Variants in CFAP20DC observed in about 807,000 individuals in gnomAD.
The protein encoded by CFAP20DC is protein CFAP20DC.
CFAP20DC carries 84 observed loss-of-function variants against 101.7 expected under a neutral mutation model. The observed-to-expected ratio is 0.83, with a 90% CI of 0.69 to 0.99. The LOEUF is 0.99. Ranked by LOEUF, CFAP20DC falls within the 50% of genes least tolerant of loss-of-function variation. The probability of loss-of-function intolerance (pLI) is 0.00; values close to 1 mark genes in which losing one functional copy is unlikely to be tolerated. For synonymous variants in CFAP20DC, 359 were observed against 351.2 expected (o/e 1.02, Z -0.25); for missense variants, 1,007 against 970.3 (o/e 1.04, Z -0.50).
chr3:58,843,543 T>A (rs960906300), intron 13 of CFAP20DC, among the ~76,000 whole-genome samples: 277 of 152,044 alleles, frequency 1.8e-3, no homozygotes, highest in African/African-American at 6.1e-3. Context: ...CTGATTGGTG[T>A]ACCTGAAAGT....
intron 3 of CFAP20DC, chr3:58,725,860 A>AT: frequency 5.2e-5 from 10 of 192,810 alleles, no homozygotes; most frequent in South Asian, 2.3e-4. Flanking sequence ...TCTGGTTTTT[A>AT]TTTTTTTGGG....
At chr3:58,901,644 T>A (rs2083156933) in intron 6 of CFAP20DC, among the ~76,000 whole-genome samples, 1 of 152,230 alleles carries the variant, frequency 6.6e-6, no homozygotes, top group Non-Finnish European at 1.5e-5. Flanking sequence ...AGTGATTTTT[T>A]TAATAACAAA....
intron 12 of CFAP20DC, among the ~76,000 whole-genome samples, chr3:58,852,990 A>G (rs1559708873): frequency 1.3e-5 from 2 of 152,230 alleles, no homozygotes; most frequent in Non-Finnish European, 2.9e-5. Flanking sequence ...AAATCAGAGC[A>G]GAACTCAAGG....
rs981624861 is a variant in CFAP20DC, at chr3:58,794,095, T to C, written c.2237+12300A>G. The C allele has an allele frequency of 1.1e-4, 26 of 228,300 alleles. No individual in the cohort carries two copies. In the East Asian group the frequency reaches 2.4e-3, roughly 21 times the overall value. The allele number at this position is 228,300 out of a possible 1,614,324, so 14.1% of individuals were successfully genotyped here. A position where few individuals can be genotyped will look rare whatever the true frequency, so the allele number is the denominator to read the frequency against. The stretch of plus-strand genomic sequence containing the variant: ...TCTACAAATCGCCATTTGGTCTCGC[T>C]TGTTACTGAGCCAGTGTCCACACAG... On this transcript the variant is annotated intron_variant, in intron 15 of 16. Coordinates refer to ENST00000482387, the MANE Select transcript of CFAP20DC (RefSeq NM_001394063.1).
At chr3:58,758,310 C>T (rs1214808751) in intron 15 of CFAP20DC, among the ~76,000 whole-genome samples, 1 of 152,124 alleles carries the variant, frequency 6.6e-6, no homozygotes, top group African/African-American at 2.4e-5. Context: ...AACCTCCATG[C>T]TTTCCCCTAC....
At chr3:58,810,599 A>G (rs889587192) in intron 14 of CFAP20DC, among the ~76,000 whole-genome samples, 1 of 149,850 alleles carries the variant, frequency 6.7e-6, no homozygotes, top group Non-Finnish European at 1.5e-5. Context: ...CCAGTATCAT[A>G]CTGAATGGGC....
Position 58,894,445 on chromosome 3 carries a change from G to A in CFAP20DC, c.551-9736C>T, listed in dbSNP as rs1238321462. Among the ~76,000 whole-genome samples, 2 of 152,158 alleles carry A rather than the reference G, an allele frequency of 1.3e-5. No homozygotes were observed. Among genetic ancestry groups the A allele is most frequent in the Non-Finnish European group, 2.9e-5 (2 of 68,026 alleles). ...CCCATGCAAGTCCAAAATCCAGCAG[G>A]GCAGTCAAATCTCAAAGCTCCAAAA... is the stretch of plus-strand genomic sequence containing the variant. On this transcript the variant is annotated intron_variant, in intron 6 of 16. Coordinates refer to ENST00000482387, the MANE Select transcript of CFAP20DC (RefSeq NM_001394063.1). This position sits in a 1 kb window ranked among gnomAD's most constrained non-coding sequence, Gnocchi z 4.1.
At chr3:58,825,913 T>C (rs1253275774) in intron 14 of CFAP20DC, among the ~76,000 whole-genome samples, 1 of 152,240 alleles carries the variant, frequency 6.6e-6, no homozygotes, top group Non-Finnish European at 1.5e-5. Context: ...CACTTTTAAA[T>C]GACTAATTTG....
intron 15 of CFAP20DC, among the ~76,000 whole-genome samples, chr3:58,803,428 C>T (rs2073848270): frequency 1.3e-5 from 2 of 152,132 alleles, no homozygotes; most frequent in South Asian, 2.1e-4. Flanking sequence ...TATTAATTAT[C>T]AATATCCCTT....
intron 15 of CFAP20DC, among the ~76,000 whole-genome samples, chr3:58,760,549 T>A (rs1559552118): frequency 6.6e-6 from 1 of 152,164 alleles, no homozygotes; most frequent in Non-Finnish European, 1.5e-5. Flanking sequence ...CTGATTGCCC[T>A]GGCCAGAACT....
intron 15 of CFAP20DC, chr3:58,794,189 T>G: frequency 3.0e-6 from 1 of 332,186 alleles, no homozygotes. Flanking sequence ...CCTCAAAATG[T>G]GGGAAGCTGC....
In CFAP20DC at chr3:58,896,085, T is replaced by C. The variant is rs149629057; in HGVS notation, c.551-11376A>G. Among the ~76,000 whole-genome samples, 36 of 152,356 alleles carry C rather than the reference T, an allele frequency of 2.4e-4. No homozygotes were observed. The East Asian group carries it at 6.6e-3, about 28-fold the overall frequency. On this transcript the variant is annotated intron_variant, in intron 6 of 16. Transcript: ENST00000482387. ...TCAATTTCAGAACTTGTTATTCGCC[T>C]GTTCAGTGACTCAATTTCTTCCTGG...
At chr3:58,933,033 C>A (rs571414077) in intron 5 of CFAP20DC, among the ~76,000 whole-genome samples, 1 of 152,088 alleles carries the variant, frequency 6.6e-6, no homozygotes, top group Admixed American at 6.5e-5. Flanking sequence ...ACCCATCTCA[C>A]GTGCAGAGAC....
At position 58,861,990 on chromosome 3, in the gene CFAP20DC, TA is replaced by T; in HGVS notation, c.1593+1567del. ...AAGAAAGCATTAAGTGATATCAAAT[TA>T]AAATATTCAGAGCTAGTATTCTTCA... On this transcript the variant is annotated intron_variant, in intron 12 of 16. Transcript: ENST00000482387. This position sits in a 1 kb window ranked among gnomAD's most constrained non-coding sequence, Gnocchi z 4.0. 1 of 985,298 alleles carries T rather than the reference TA, an allele frequency of 1.0e-6. No homozygotes were observed. Among genetic ancestry groups the T allele is most frequent in the Non-Finnish European group, 1.2e-6 (1 of 829,774 alleles). The allele number at this position is 985,298 out of a possible 1,614,324, so 61.0% of individuals were successfully genotyped here.
rs988178531 is a variant in CFAP20DC, at chr3:58,868,702, C to T, written c.1015+626G>A. ...GAGGGAAATTTTCTGTGACAGTGAT[C>T]ATTAATTTGTAAATAATATAAAATG... On this transcript the variant is annotated intron_variant, in intron 9 of 16. Coordinates refer to ENST00000482387, the MANE Select transcript of CFAP20DC (RefSeq NM_001394063.1). This position sits in a 1 kb window ranked among gnomAD's most constrained non-coding sequence, Gnocchi z 4.6. Among the ~76,000 whole-genome samples the T allele has an allele frequency of 1.3e-5, 2 of 152,140 alleles. No individual in the cohort carries two copies. Among genetic ancestry groups the T allele is most frequent in the Non-Finnish European group, 2.9e-5 (2 of 68,016 alleles).
Position 58,863,192 on chromosome 3 carries a change from C to T in CFAP20DC, c.1593+366G>A, listed in dbSNP as rs943342663. 8 of 1,156,484 alleles carry T rather than the reference C, an allele frequency of 6.9e-6. No homozygotes were observed. The Admixed American group carries it at 3.1e-4, about 44-fold the overall frequency. 71.6% of individuals were successfully genotyped at this position (1,156,484 alleles called of 1,614,324 possible). On this transcript the variant is annotated intron_variant, in intron 12 of 16. Transcript: ENST00000482387. This position sits in a 1 kb window ranked among gnomAD's most constrained non-coding sequence, Gnocchi z 5.9. ...ATCAATTTAGAATGCTTAGCAACTG[C>T]AACACAATTTCTCCAGAGATCTAGA...
chr3:59,022,554 T>C (rs1203041538), intron 4 of CFAP20DC, among the ~76,000 whole-genome samples: 2 of 152,112 alleles, frequency 1.3e-5, no homozygotes, highest in Admixed American at 6.6e-5. Context: ...TTCCAAGTTA[T>C]AGATCAATGG....
At chr3:58,936,904 C>T (rs138573681) in intron 5 of CFAP20DC, among the ~76,000 whole-genome samples, 1,596 of 150,878 alleles carry the variant, frequency 0.011, 29 homozygotes, top group African/African-American at 0.037. Context: ...GCACACGTAC[C>T]CTAAAACTTA....
At chr3:58,716,949 ACTTAC>A (rs1425240451), downstream of CFAP20DC, among the ~76,000 whole-genome samples, 1 of 152,178 alleles carries the variant, frequency 6.6e-6, no homozygotes, top group Admixed American at 6.5e-5. Flanking sequence ...AGATGAAACA[ACTTAC>A]CTTTTGCTTT....
Sources: allele counts gnomAD v4.1 joint callset (sites outside exome capture counted in the v4.1 genomes callset), GRCh38; gene constraint gnomAD v4.1.1; non-coding constraint Gnocchi (gnomAD v3.1); transcripts MANE v1.5; gene names NCBI Gene and HGNC (gene_info 2026-07-23, HGNC 2026-07-21).